CNTN6: variants seen among roughly 807,000 people sequenced by gnomAD.
The protein encoded by CNTN6 is contactin-6.
A neutral mutation model predicts 122.8 loss-of-function variants in CNTN6; 137 were observed. The ratio of observed to expected loss-of-function variants is 1.12; its 90% CI spans 0.97 to 1.29. CNTN6 has a LOEUF of 1.29. CNTN6 is among the 50% of genes most tolerant of loss of function. The pLI is 0.00. For synonymous variants in CNTN6, 570 were observed against 426.0 expected, an observed-to-expected ratio of 1.34 and a Z score of -4.16; for missense variants, 1,634 against 1,223.4, an observed-to-expected ratio of 1.34 and a Z score of -5.01.
chr3:1,230,588 T>G (rs189753754), intron 4 of CNTN6, among the ~76,000 whole-genome samples: 13 of 152,358 alleles, frequency 8.5e-5, no homozygotes, highest in Admixed American at 7.8e-4. Context: ...ATACATGTGC[T>G]TTGACATATA....
chr3:1,144,607 A>AAG (rs2092685374), intron 1 of CNTN6, among the ~76,000 whole-genome samples: 1 of 151,916 alleles, frequency 6.6e-6, no homozygotes, highest in Non-Finnish European at 1.5e-5. Context: ...AAAATAAAAA[A>AAG]TAAAAAAAGA....
chr3:1,345,655 A>G (rs1308885696), intron 11 of CNTN6, among the ~76,000 whole-genome samples: 1 of 152,178 alleles, frequency 6.6e-6, no homozygotes, highest in Non-Finnish European at 1.5e-5. Context: ...TTAATATTTA[A>G]TCTAAAACAG....
chr3:1,136,997 A>C (rs1177637252), intron 1 of CNTN6, among the ~76,000 whole-genome samples: 1 of 152,144 alleles, frequency 6.6e-6, no homozygotes, highest in African/African-American at 2.4e-5. Context: ...GGGTATTTGA[A>C]AAATTCTATT....
intron 1 of CNTN6, among the ~76,000 whole-genome samples, chr3:1,146,410 C>T (rs992899426): frequency 7.2e-5 from 11 of 152,068 alleles, no homozygotes; most frequent in Non-Finnish European, 2.9e-5. Flanking sequence ...TTCCTTCATA[C>T]CTATTGTAAT....
At chr3:1,172,628 G>C (rs765183403) in intron 2 of CNTN6, among the ~76,000 whole-genome samples, 5,511 of 40,930 alleles carry the variant, frequency 0.13, 150 homozygotes, top group South Asian at 0.35. Flanking sequence ...CTCTGTGTGT[G>C]TGTGTGTGTG....
chr3:1,220,898 G>T, intron 3 of CNTN6, 85 bp downstream of exon 3: 3 of 1,408,746 alleles, frequency 2.1e-6, no homozygotes, highest in Non-Finnish European at 9.5e-7. Context: ...TTTATAAAAT[G>T]TCCTAATTTG....
intron 4 of CNTN6, among the ~76,000 whole-genome samples, chr3:1,266,059 C>G (rs1042792277): frequency 1.3e-5 from 2 of 151,598 alleles, no homozygotes; most frequent in Admixed American, 6.6e-5. Context: ...GTCACCCATA[C>G]AACCAGTGAT....
chr3:1,274,622 T>A (rs1691985654), intron 4 of CNTN6, among the ~76,000 whole-genome samples: 1 of 152,194 alleles, frequency 6.6e-6, no homozygotes, highest in South Asian at 2.1e-4. Context: ...AACACTGATA[T>A]GGGAAGTAAT....
At chr3:1,255,722 G>C (rs1295780168) in intron 4 of CNTN6, among the ~76,000 whole-genome samples, 1 of 151,908 alleles carries the variant, frequency 6.6e-6, no homozygotes, top group Non-Finnish European at 1.5e-5. Flanking sequence ...TGCCCAGCTT[G>C]AGTGCAGTGG....
chr3:1,099,159 TAA>T (rs1430422158), intron 1 of CNTN6, among the ~76,000 whole-genome samples: 1 of 152,098 alleles, frequency 6.6e-6, no homozygotes, highest in Non-Finnish European at 1.5e-5. Flanking sequence ...TTCTTATAAA[TAA>T]ACACATTTCG....
intron 2 of CNTN6, among the ~76,000 whole-genome samples, chr3:1,151,556 T>C (rs1160665661): frequency 6.6e-6 from 1 of 152,176 alleles, no homozygotes; most frequent in Non-Finnish European, 1.5e-5. Flanking sequence ...TTCTAAATAT[T>C]TGCTAAATGA....
At chr3:1,156,385 C>T (rs1451927743) in intron 2 of CNTN6, among the ~76,000 whole-genome samples, 1 of 152,162 alleles carries the variant, frequency 6.6e-6, no homozygotes, top group African/African-American at 2.4e-5. Flanking sequence ...CAAATATATG[C>T]TCATTCTGAG....
intron 4 of CNTN6, among the ~76,000 whole-genome samples, chr3:1,277,276 C>A (rs1692540154): frequency 6.6e-6 from 1 of 150,582 alleles, no homozygotes; most frequent in African/African-American, 2.4e-5. Context: ...AAAATACCTG[C>A]CTGTTTTATT....
chr3:1,102,995 A>G (rs748670133), intron 1 of CNTN6, among the ~76,000 whole-genome samples: 12 of 150,546 alleles, frequency 8.0e-5, no homozygotes, highest in Admixed American at 4.6e-4. Context: ...GGTCCCAGCT[A>G]CTCGGGAGGC....
At chr3:1,196,543 T>C (rs1007232490) in intron 2 of CNTN6, among the ~76,000 whole-genome samples, 2 of 152,218 alleles carry the variant, frequency 1.3e-5, no homozygotes, top group African/African-American at 4.8e-5. Context: ...AATAAATATT[T>C]GTTGTTGAAT....
chr3:1,324,355 G>A (rs1035210009), intron 8 of CNTN6, among the ~76,000 whole-genome samples: 2 of 149,660 alleles, frequency 1.3e-5, no homozygotes, highest in African/African-American at 5.1e-5. Flanking sequence ...AATCCTCTCG[G>A]CCCTGCTTCT....
chr3:1,142,908 A>C (rs2092640747), intron 1 of CNTN6, among the ~76,000 whole-genome samples: 1 of 150,726 alleles, frequency 6.6e-6, no homozygotes, highest in Admixed American at 6.6e-5. Context: ...ATTTGCATGC[A>C]TATACATATT....
At chr3:1,252,296 C>A (rs2094684528) in intron 4 of CNTN6, among the ~76,000 whole-genome samples, 1 of 152,118 alleles carries the variant, frequency 6.6e-6, no homozygotes, top group African/African-American at 2.4e-5. Flanking sequence ...AGAATAGAAG[C>A]ACATTTTTTA....
chr3:1,281,398 TAAAC>T (rs1693402153), intron 5 of CNTN6, among the ~76,000 whole-genome samples: 1 of 151,612 alleles, frequency 6.6e-6, no homozygotes, highest in South Asian at 2.1e-4. Context: ...GTGTAAGTAT[TAAAC>T]AAAGCTTCTC....
Sources: gnomAD v4.1 joint callset for allele counts (sites outside exome capture counted in the v4.1 genomes callset) on GRCh38, gnomAD v4.1.1 for gene constraint, MANE v1.5 for transcripts, NCBI Gene and HGNC (gene_info 2026-07-23, HGNC 2026-07-21) for gene names.